TENM4: variants seen among roughly 807,000 people sequenced by gnomAD.
The protein encoded by TENM4 is teneurin transmembrane protein 4.
Under a neutral mutation model 243.3 loss-of-function variants are expected in TENM4, and 82 were observed. The observed-to-expected ratio is 0.34, with a 90% CI of 0.28 to 0.40. The LOEUF is 0.40. Among genes scored for constraint, TENM4 ranks in the 10% least tolerant of loss-of-function variants. The pLI is 1.00. For missense variants in TENM4, 3,138 were observed against 3,673.3 expected, an observed-to-expected ratio of 0.85 and a Z score of 3.77; for synonymous variants, 1,412 against 1,456.3, an observed-to-expected ratio of 0.97 and a Z score of 0.69.
At chr11:78,814,166 G>A in intron 13 of TENM4, 128 bp downstream of exon 13, 1 of 816,528 alleles carries the variant, frequency 1.2e-6, no homozygotes. Context: ...CTGGAGAATG[G>A]CCCTTGGAAA....
chr11:79,328,940 G>A (rs1857018200), intron 1 of TENM4, among the ~76,000 whole-genome samples: 1 of 152,072 alleles, frequency 6.6e-6, no homozygotes. Context: ...GAGATTCTTT[G>A]GAAATAACAT....
At position 78,657,995 on chromosome 11, in the gene TENM4, ACAGT is replaced by A; in HGVS notation, c.*59_*62del. 6.2e-7 allele frequency: 1 copy of A among 1,605,282 alleles called. No homozygotes were observed. Among genetic ancestry groups the A allele is most frequent in the South Asian group, 1.1e-5 (1 of 90,668 alleles). ...AAAATCATTTTTTTAAAAGTACAAC[ACAGT>A]CAGGTATGCGGCCACAAAAGAGTAG... On this transcript the variant is annotated 3_prime_UTR_variant, in exon 34 of 34. Transcript: ENST00000278550.
intron 3 of TENM4, among the ~76,000 whole-genome samples, chr11:79,176,708 T>G (rs1863164722): frequency 6.6e-6 from 1 of 152,218 alleles, no homozygotes; most frequent in South Asian, 2.1e-4. Flanking sequence ...TGAGAAGATA[T>G]GTTCCTTTTA....
intron 6 of TENM4, among the ~76,000 whole-genome samples, chr11:78,908,538 A>G (rs577176125): frequency 3.9e-5 from 6 of 152,332 alleles, no homozygotes; most frequent in African/African-American, 1.4e-4. Context: ...AGCAGAACAT[A>G]TCTAACAGAA....
intron 1 of TENM4, among the ~76,000 whole-genome samples, chr11:79,397,655 T>C (rs574324911): frequency 1.3e-5 from 2 of 152,320 alleles, no homozygotes; most frequent in African/African-American, 4.8e-5. Context: ...GTTAGGAGGC[T>C]TTGTGAGCCA....
chr11:78,661,562 A>T lies in TENM4; in HGVS notation c.7438T>A (p.Phe2480Ile), dbSNP rs1333563340. ...CCAGGGATCACGTTGTGTAGCTGGA[A>T]TCCAAAGGTGAGCAGCCAGCTGTTA... ...DVNSWLLTFGFQLHNVIPGYP... is the reference protein window; with the variant it reads ...DVNSWLLTFGIQLHNVIPGYP... The change falls in exon 33 of 34, where the codon TTC (phenylalanine) becomes ATC (isoleucine). Residue 2480 changes from phenylalanine (F) to isoleucine (I), a missense_variant. By Grantham distance (21) the Phe-to-Ile change is conservative. Around this residue, in one of 2 missense-constraint regions of TENM4, gnomAD observed 2,467 missense variants for 3,059.1 expected, o/e 0.81. Transcript: ENST00000278550. 2.5e-6 allele frequency: 4 copies of T among 1,613,486 alleles called. No homozygotes were observed. Among genetic ancestry groups the T allele is most frequent in the Non-Finnish European group, 2.5e-6 (3 of 1,179,746 alleles).
Position 79,062,687 on chromosome 11 carries a change from A to G in TENM4, c.493+2051T>C, listed in dbSNP as rs1419007971. 2.0e-5 allele frequency among the ~76,000 whole-genome samples: 3 copies of G among 152,170 alleles called. No individual in the cohort carries two copies. In the South Asian group the frequency reaches 6.2e-4, roughly 32 times the overall value. ...TAATTTCATTTAAACTATTTATTTT[A>G]TAGATGAGGAAACTGAGGTCCCAAG... On this transcript the variant is annotated intron_variant, in intron 6 of 33. Transcript: ENST00000278550.
At chr11:78,921,422 A>G (rs1404179033) in intron 6 of TENM4, among the ~76,000 whole-genome samples, 5 of 152,234 alleles carry the variant, frequency 3.3e-5, no homozygotes, top group Admixed American at 6.5e-5. Context: ...CTAGAACTCA[A>G]ATGTGGCATT....
chr11:79,320,971 G>A (rs1856878641), intron 1 of TENM4, among the ~76,000 whole-genome samples: 1 of 152,178 alleles, frequency 6.6e-6, no homozygotes, highest in Admixed American at 6.5e-5. Flanking sequence ...ACAAAAAGGT[G>A]GAAGCATCCC....
chr11:79,101,984 T>A (rs1213593288), intron 4 of TENM4, among the ~76,000 whole-genome samples: 1 of 152,136 alleles, frequency 6.6e-6, no homozygotes, highest in Non-Finnish European at 1.5e-5. Flanking sequence ...ATCGTGTGAG[T>A]TTGAGTCCTA....
intron 6 of TENM4, among the ~76,000 whole-genome samples, chr11:78,996,445 T>G (rs1209701861): frequency 6.6e-6 from 1 of 152,190 alleles, no homozygotes; most frequent in African/African-American, 2.4e-5. Context: ...CCAGCCACCA[T>G]GCGACTAAAG....
chr11:79,075,285 G>A (rs915506320), intron 4 of TENM4, among the ~76,000 whole-genome samples: 42 of 152,212 alleles, frequency 2.8e-4, no homozygotes, highest in African/African-American at 9.6e-4. Context: ...AGAGACTCAA[G>A]AGCTGGAAGT....
rs774771199 is a variant in TENM4 at position 78,702,214 on chromosome 11, G to A, written c.4399C>T (p.Leu1467=). The A allele has an allele frequency of 6.2e-7, 1 of 1,613,940 alleles. No individual in the cohort carries two copies. Among genetic ancestry groups the A allele is most frequent in the Admixed American group, 1.7e-5 (1 of 60,010 alleles). ...ACAGCCAAAGCGGTGGCTGACTCCAGGGTTGCGTGGATGGCCACCTTGCTT... is the reference window on the plus strand; with the variant it reads ...ACAGCCAAAGCGGTGGCTGACTCCAAGGTTGCGTGGATGGCCACCTTGCTT... The part of the protein sequence containing the change: ...LLSKVAIHAT[L]ESATALAVSH... The change falls in exon 28 of 34, where the codon CTG becomes TTG. Residue 1467 remains leucine (L), a synonymous_variant. Transcript: ENST00000278550.
intron 1 of TENM4, among the ~76,000 whole-genome samples, chr11:79,347,218 A>G (rs533624953): frequency 6.6e-6 from 1 of 152,292 alleles, no homozygotes; most frequent in South Asian, 2.1e-4. Flanking sequence ...TGTCTGCTAC[A>G]TAAATAAAGC....
rs1857903891 is a variant in TENM4, at chr11:78,656,692, T to A, written c.*1366A>T. ...CTGCCCTGCTCCTGGTGGGGTTGTA[T>A]GATATGGGCAGGCCACACCACATCA... On this transcript the variant is annotated 3_prime_UTR_variant, in exon 34 of 34. Coordinates refer to ENST00000278550, the MANE Select transcript of TENM4 (RefSeq NM_001098816.3). The A allele has an allele frequency of 4.7e-6, 1 of 211,226 alleles. No individual in the cohort carries two copies. 13.1% of individuals were successfully genotyped at this position (211,226 alleles called of 1,614,324 possible).
rs373392526 is a variant in TENM4 at position 78,950,916 on chromosome 11, G to A, written c.494-47393C>T. Among the ~76,000 whole-genome samples, 30 of 152,356 alleles carry A rather than the reference G, an allele frequency of 2.0e-4. No individual in the cohort carries two copies. In the South Asian group the frequency reaches 4.3e-3, roughly 22 times the overall value. On this transcript the variant is annotated intron_variant, in intron 6 of 33. Coordinates refer to ENST00000278550, the MANE Select transcript of TENM4 (RefSeq NM_001098816.3). The stretch of plus-strand genomic sequence containing the variant: ...GCAGACTCAATGGAATGAGAAAGGC[G>A]AAGCCCCTGGCACACTGTAGGTGCT...
intron 1 of TENM4, among the ~76,000 whole-genome samples, chr11:79,409,318 G>C (rs556808566): frequency 2.6e-5 from 4 of 152,186 alleles, no homozygotes; most frequent in African/African-American, 9.6e-5. Context: ...AGTGTTTAAA[G>C]CATTTAAAGG....
intron 1 of TENM4, among the ~76,000 whole-genome samples, chr11:79,399,891 C>A (rs1259310530): frequency 1.3e-5 from 2 of 152,038 alleles, no homozygotes; most frequent in Admixed American, 6.5e-5. Context: ...ATATAAAGTG[C>A]CCAGCAGAGT....
Position 78,942,739 on chromosome 11 carries a change from T to C in TENM4, c.494-39216A>G, listed in dbSNP as rs371598339. Among the ~76,000 whole-genome samples, 24 of 152,026 alleles carry C rather than the reference T, an allele frequency of 1.6e-4. No individual in the cohort carries two copies. The South Asian group carries it at 4.2e-3, about 26-fold the overall frequency. ...TATGTGCCAGGCTTCCTGCTTAACTTTTCACAAATACTACCTCATTTGCCT... is the reference window on the plus strand; with the variant it reads ...TATGTGCCAGGCTTCCTGCTTAACTCTTCACAAATACTACCTCATTTGCCT... On this transcript the variant is annotated intron_variant, in intron 6 of 33. Transcript: ENST00000278550.
Sources: gnomAD v4.1 joint callset for allele counts (sites outside exome capture counted in the v4.1 genomes callset) on GRCh38, gnomAD v4.1.1 for gene constraint, gnomAD v4.1.1 regional missense constraint, MANE v1.5 for transcripts, NCBI Gene and HGNC (gene_info 2026-07-23, HGNC 2026-07-21) for gene names.